ORC4: variants seen among roughly 807,000 people sequenced by gnomAD.
ORC4 encodes origin recognition complex, subunit 4 homolog.
Under a neutral mutation model 63.9 loss-of-function variants are expected in ORC4, and 55 were observed. The ratio of observed to expected loss-of-function variants is 0.86; its 90% CI spans 0.69 to 1.08. The LOEUF is 1.08. ORC4 is among the 50% of genes least tolerant of loss of function. ORC4 has a pLI of 0.00. For missense variants in ORC4, 511 were observed against 504.4 expected (o/e 1.01, Z -0.13); for synonymous variants, 150 against 168.5 (o/e 0.89, Z 0.85).
At chr2:147,978,403 C>A (rs930380379) in intron 1 of ORC4, among the ~76,000 whole-genome samples, 2 of 152,178 alleles carry the variant, frequency 1.3e-5, no homozygotes, top group Non-Finnish European at 2.9e-5. Context: ...GTTCCTTGTG[C>A]AGGCAGGGTT....
intron 1 of ORC4, among the ~76,000 whole-genome samples, chr2:148,011,651 T>C (rs1236221610): frequency 6.6e-6 from 1 of 152,210 alleles, no homozygotes; most frequent in African/African-American, 2.4e-5. Context: ...ATAAAGGGCA[T>C]TTAAATTGGA....
chr2:147,951,452 A>C (rs2105295510), intron 8 of ORC4: 1 of 152,244 alleles, frequency 6.6e-6, no homozygotes, highest in East Asian at 1.9e-4. Context: ...TACTGGAGTG[A>C]GTTCTTGTTC....
At chr2:147,980,513 A>T (rs1690819930) in intron 1 of ORC4, among the ~76,000 whole-genome samples, 1 of 152,164 alleles carries the variant, frequency 6.6e-6, no homozygotes, top group Non-Finnish European at 1.5e-5. Context: ...ACAACAAAAA[A>T]AACTTAATAG....
chr2:147,976,382 G>T (rs974906984), intron 1 of ORC4, among the ~76,000 whole-genome samples: 1 of 152,110 alleles, frequency 6.6e-6, no homozygotes, highest in Non-Finnish European at 1.5e-5. Context: ...ACACTTAGTA[G>T]ACTAGTATAC....
chr2:147,961,787 A>G (rs1225116935), intron 4 of ORC4, among the ~76,000 whole-genome samples: 10 of 152,230 alleles, frequency 6.6e-5, no homozygotes, highest in Non-Finnish European at 1.3e-4. Context: ...TAACTGATCC[A>G]TTTTATTAAC....
Position 147,958,327 on chromosome 2 carries a change from G to C in ORC4, c.358C>G (p.Leu120Val), listed in dbSNP as rs1689378095. The C allele has an allele frequency of 1.9e-6, 3 of 1,611,498 alleles. No homozygotes were observed. The highest frequency in any genetic ancestry group is 8.5e-7 in the Non-Finnish European group (1 of 1,178,292). Residue 120 changes from leucine (L) to valine (V), a missense_variant, in exon 6 of 14, where the codon CTG becomes GTG. Physicochemically the swap from Leu to Val is conservative, Grantham distance 32. Transcript: ENST00000392857. The stretch of plus-strand genomic sequence containing the variant: ...ACTTTATCTCCAACTACATTTTCCA[G>C]ATTTAACTGCCTTGTGATTTCCTTT... ...ALKEITRQLN[L>V]ENVVGDKVFG...
intron 4 of ORC4, among the ~76,000 whole-genome samples, chr2:147,971,483 G>A (rs1033184874): frequency 6.6e-6 from 1 of 151,624 alleles, no homozygotes; most frequent in Non-Finnish European, 1.5e-5. Context: ...AACATATATA[G>A]ATGAAAAAGA....
At position 147,934,714 on chromosome 2, in the gene ORC4, AAC is replaced by A. The variant is rs1253145185; in HGVS notation, c.*794_*795del. 6.6e-6 allele frequency: 1 copy of A among 152,228 alleles called. No individual in the cohort carries two copies. Among genetic ancestry groups the A allele is most frequent in the Non-Finnish European group, 1.5e-5 (1 of 68,044 alleles). The allele number at this position is 152,228 out of a possible 1,614,324, so 9.4% of individuals were successfully genotyped here. A position where few individuals can be genotyped will look rare whatever the true frequency, so the allele number is the denominator to read the frequency against. On this transcript the variant is annotated 3_prime_UTR_variant, in exon 14 of 14. Coordinates refer to ENST00000392857, the MANE Select transcript of ORC4 (RefSeq NM_181741.4). The stretch of plus-strand genomic sequence containing the variant: ...CTGTAATCATACTGTAGGCAACTGT[AAC>A]ACAATGGTAAAACATTTGTATATTT...
At chr2:148,018,315 G>T (rs1278886066) in intron 1 of ORC4, among the ~76,000 whole-genome samples, 2 of 152,170 alleles carry the variant, frequency 1.3e-5, no homozygotes, top group Non-Finnish European at 2.9e-5. Context: ...AACTCTTGGT[G>T]AGACAGTAAA....
intron 8 of ORC4, among the ~76,000 whole-genome samples, chr2:147,949,913 A>C (rs750185263): frequency 6.6e-6 from 1 of 152,178 alleles, no homozygotes; most frequent in Non-Finnish European, 1.5e-5. Context: ...AGAAATATAC[A>C]TCTCCACATC....
chr2:147,942,863 C>T (rs1248926648), intron 10 of ORC4, among the ~76,000 whole-genome samples: 1 of 151,828 alleles, frequency 6.6e-6, no homozygotes, highest in Admixed American at 6.6e-5. Flanking sequence ...ATTAAAAAAC[C>T]TCTTAGAATA....
At chr2:147,962,109 C>T (rs1689632546) in intron 4 of ORC4, among the ~76,000 whole-genome samples, 2 of 151,976 alleles carry the variant, frequency 1.3e-5, no homozygotes, top group Admixed American at 6.6e-5. Flanking sequence ...TGTGTAGGCA[C>T]CTGGCCTCTG....
At chr2:147,988,702 A>G (rs1444308073) in intron 1 of ORC4, among the ~76,000 whole-genome samples, 1 of 152,086 alleles carries the variant, frequency 6.6e-6, no homozygotes, top group Non-Finnish European at 1.5e-5. Flanking sequence ...TAAGTGAAAT[A>G]ATCTCAGCTG....
chr2:147,948,166 T>A lies in ORC4; in HGVS notation c.647A>T (p.His216Leu), dbSNP rs761034327. Residue 216 changes from histidine to leucine, a missense_variant, in exon 9 of 14, where the codon CAC becomes CTC. Coordinates refer to ENST00000392857, the MANE Select transcript of ORC4 (RefSeq NM_181741.4). ...TGGAAAACCAAATGAATTCATTAAG[T>A]GTATCTGCCGGTGAGAAAATCTTGA... ...VKSRFSHRQIHLMNSFGFPQY... is the reference protein window; with the variant it reads ...VKSRFSHRQILLMNSFGFPQY... 3.1e-6 allele frequency: 5 copies of A among 1,610,356 alleles called. No homozygotes were observed. In the Admixed American group the frequency reaches 5.0e-5, roughly 16 times the overall value.
At chr2:147,960,747 G>A (rs1482466953) in intron 4 of ORC4, among the ~76,000 whole-genome samples, 3 of 152,096 alleles carry the variant, frequency 2.0e-5, no homozygotes, top group African/African-American at 4.8e-5. Context: ...TCTAAGGGTC[G>A]GTACAGTGGG....
intron 1 of ORC4, among the ~76,000 whole-genome samples, chr2:148,008,858 A>G (rs562694105): frequency 2.6e-5 from 4 of 151,468 alleles, no homozygotes; most frequent in African/African-American, 9.7e-5. Flanking sequence ...TCTATATAGA[A>G]GTAGCTTGCC....
At chr2:147,991,746 T>A (rs540926002) in intron 1 of ORC4, among the ~76,000 whole-genome samples, 1 of 152,224 alleles carries the variant, frequency 6.6e-6, no homozygotes, top group African/African-American at 2.4e-5. Context: ...GAGAATCGCT[T>A]GAACCGGGGA....
intron 1 of ORC4, among the ~76,000 whole-genome samples, chr2:147,997,392 G>A (rs73005180): frequency 5.9e-5 from 9 of 152,166 alleles, no homozygotes; most frequent in African/African-American, 9.6e-5. Flanking sequence ...TATGTTTGTC[G>A]TTTTTAAAGA....
intron 9 of ORC4, among the ~76,000 whole-genome samples, chr2:147,945,755 T>C (rs1053324803): frequency 6.6e-6 from 1 of 152,104 alleles, no homozygotes; most frequent in African/African-American, 2.4e-5. Flanking sequence ...ATCACTGCTA[T>C]TGGCTTAATC....
Sources: allele counts gnomAD v4.1 joint callset (sites outside exome capture counted in the v4.1 genomes callset), GRCh38; gene constraint gnomAD v4.1.1; transcripts MANE v1.5; gene names NCBI Gene and HGNC (gene_info 2026-07-23, HGNC 2026-07-21).